Variants in GEMIN5 observed in about 807,000 individuals in gnomAD.
GEMIN5 encodes gem nuclear organelle associated protein 5.
Under a neutral mutation model 176.9 loss-of-function variants are expected in GEMIN5, and 124 were observed. The ratio of observed to expected loss-of-function variants is 0.70; its 90% confidence interval spans 0.61 to 0.81. GEMIN5 has a LOEUF of 0.81. Ranked by LOEUF, GEMIN5 falls within the 40% of genes least tolerant of loss-of-function variation. The pLI, the probability that GEMIN5 is intolerant of heterozygous loss-of-function variation, is 0.00. For missense variants in GEMIN5, 1,843 were observed against 1,814.6 expected, an observed-to-expected ratio of 1.02 and a Z score of -0.28; for synonymous variants, 673 against 665.2, an observed-to-expected ratio of 1.01 and a Z score of -0.18.
chr5:154,888,428 A>G, intron 27 of GEMIN5, 51 bp from the exon 28 acceptor site: 1 of 1,513,324 alleles, frequency 6.6e-7, no homozygotes, highest in Non-Finnish European at 9.1e-7. Context: ...CAGAAGAGCC[A>G]CAAACACCTG....
intron 13 of GEMIN5, among the ~76,000 whole-genome samples, chr5:154,913,809 C>G (rs1447103662): frequency 6.6e-6 from 1 of 151,626 alleles, no homozygotes; most frequent in Non-Finnish European, 1.5e-5. Context: ...AGAGTGAGAC[C>G]CTGTCTCAAA....
rs532523933 is a variant in GEMIN5, at chr5:154,936,986, T to C, written c.327+39A>G. On this transcript the variant is annotated intron_variant, in intron 2 of 27. Transcript: ENST00000285873. ...GCAACAGAAGAACCCTCAGCACAGA[T>C]AGATAAAAACGGTTTGAGAAACCAG... The C allele has an allele frequency of 2.6e-5, 40 of 1,556,254 alleles. No homozygotes were observed. The Admixed American group carries it at 3.1e-4, about 12-fold the overall frequency.
chr5:154,892,635 T>C (rs1763259242), intron 24 of GEMIN5, 86 bp from the exon 25 acceptor site: 5 of 1,312,230 alleles, frequency 3.8e-6, no homozygotes, highest in East Asian at 2.4e-5. Flanking sequence ...TGAACCGCAT[T>C]TGGAAACAAG....
rs936089739 is a variant in GEMIN5 at position 154,887,857 on chromosome 5, G to T, written c.*353C>A. 2.2e-5 allele frequency: 5 copies of T among 231,374 alleles called. No homozygotes were observed. The highest frequency in any genetic ancestry group is 4.2e-5 in the Non-Finnish European group (5 of 118,972). 14.3% of individuals were successfully genotyped at this position (231,374 alleles called of 1,614,324 possible). On this transcript the variant is annotated 3_prime_UTR_variant, in exon 28 of 28. Transcript: ENST00000285873. Reference sequence around the variant, plus strand: ...ATCAGATGAAGTATTTACAAAGGTAGCTTGTGTTTTAAGCATGTAACACTT... The same window carrying T: ...ATCAGATGAAGTATTTACAAAGGTATCTTGTGTTTTAAGCATGTAACACTT...
Position 154,920,000 on chromosome 5 carries a change from G to T in GEMIN5, c.1566C>A (p.Ile522=). ...PWKLSGEAFD[I]NKLIRDTNSI... ...AATTGGTGTCCCTGATGAGTTTGTT[G>T]ATGTCAAAGGCTTCTCCACTAAGCT... The change falls in exon 11 of 28, where the codon ATC becomes ATA. Residue 522 remains isoleucine, a synonymous_variant. Coordinates refer to ENST00000285873, the MANE Select transcript of GEMIN5 (RefSeq NM_015465.5). The T allele has an allele frequency of 6.2e-7, 1 of 1,613,598 alleles. No homozygotes were observed. Among genetic ancestry groups the T allele is most frequent in the Non-Finnish European group, 8.5e-7 (1 of 1,179,664 alleles).
chr5:154,928,527 C>G lies in GEMIN5; in HGVS notation c.914G>C (p.Gly305Ala). 2 of 1,613,740 alleles carry G rather than the reference C, an allele frequency of 1.2e-6. No individual in the cohort carries two copies. Among genetic ancestry groups the G allele is most frequent in the Non-Finnish European group, 1.7e-6 (2 of 1,179,846 alleles). ...QPTQLVSSCF[G>A]GELLQWDLTQ... is the part of the protein sequence containing the mutation. ...GAAAGCATGACCAAAAAAGACTTAC[C>G]CAAAACAGCTAGATACCAGCTGTGT... The change falls in exon 6 of 28, where the codon GGA becomes GCA. Residue 305 changes from glycine to alanine, a missense_variant and splice_region_variant. Coordinates refer to ENST00000285873, the MANE Select transcript of GEMIN5 (RefSeq NM_015465.5).
chr5:154,902,353 G>A (rs1763482285), intron 20 of GEMIN5, among the ~76,000 whole-genome samples, 186 bp downstream of exon 20: 2 of 152,238 alleles, frequency 1.3e-5, no homozygotes, highest in South Asian at 4.1e-4. Context: ...CAATTAAAGT[G>A]TCAGTGACCT....
chr5:154,925,162 T>C (rs1764004080), intron 8 of GEMIN5, among the ~76,000 whole-genome samples: 1 of 152,206 alleles, frequency 6.6e-6, no homozygotes, highest in Admixed American at 6.5e-5. Context: ...ATATGCATTA[T>C]ACACTGTCGA....
chr5:154,899,983 T>G (rs143392417), intron 21 of GEMIN5, among the ~76,000 whole-genome samples: 22 of 152,242 alleles, frequency 1.4e-4, no homozygotes, highest in Admixed American at 1.4e-3. Flanking sequence ...TGTTGGGTAT[T>G]TGGCAGATGT....
intron 7 of GEMIN5, among the ~76,000 whole-genome samples, 167 bp from the exon 8 acceptor site, chr5:154,926,241 T>C (rs1272356635): frequency 6.6e-6 from 1 of 152,110 alleles, no homozygotes; most frequent in Non-Finnish European, 1.5e-5. Flanking sequence ...AGTAATAAAT[T>C]ATGTTGCTTA....
rs563081849 is a variant in GEMIN5, at chr5:154,906,257, T to C, written c.2396-781A>G. Among the ~76,000 whole-genome samples, 50 of 151,992 alleles carry C rather than the reference T, an allele frequency of 3.3e-4. No homozygotes were observed. In the South Asian group the frequency reaches 8.9e-3, roughly 27 times the overall value. On this transcript the variant is annotated intron_variant, in intron 16 of 27. Transcript: ENST00000285873. Reference sequence around the variant, plus strand: ...GCAAGTCTCTTTCCTTGGCCTCCCATAGTGCTGGGATTACAGGCATGAACC... The same window carrying C: ...GCAAGTCTCTTTCCTTGGCCTCCCACAGTGCTGGGATTACAGGCATGAACC...
chr5:154,935,455 C>T (rs892048297), intron 3 of GEMIN5, among the ~76,000 whole-genome samples: 3 of 152,174 alleles, frequency 2.0e-5, no homozygotes, highest in Admixed American at 6.5e-5. Context: ...ATCCCAATGC[C>T]GCATCACTTT....
intron 5 of GEMIN5, among the ~76,000 whole-genome samples, chr5:154,929,987 A>T (rs1265397636): frequency 6.6e-6 from 1 of 152,212 alleles, no homozygotes; most frequent in African/African-American, 2.4e-5. Flanking sequence ...TTTCTCTTCA[A>T]AGAATCAATA....
Position 154,937,323 on chromosome 5 carries a change from T to G in GEMIN5, c.167-138A>C, listed in dbSNP as rs538825566. ...GGTATAACTGAAACACCGACGGACT[T>G]ACACTCAGAATTCCCAAGTGCTGAT... On this transcript the variant is annotated intron_variant, in intron 1 of 27. Transcript: ENST00000285873. 7 of 689,272 alleles carry G rather than the reference T, an allele frequency of 1.0e-5. No individual in the cohort carries two copies. The African/African-American group carries it at 1.1e-4, about 11-fold the overall frequency. The allele number at this position is 689,272 out of a possible 1,614,324, so 42.7% of individuals were successfully genotyped here.
Position 154,891,520 on chromosome 5 carries a change from G to C in GEMIN5, c.3983C>G (p.Pro1328Arg). Residue 1328 changes from proline to arginine, a missense_variant, in exon 26 of 28, where the codon CCT (proline) becomes CGT (arginine). By Grantham distance (103) the Pro-to-Arg change is moderately radical. Coordinates refer to ENST00000285873, the MANE Select transcript of GEMIN5 (RefSeq NM_015465.5). ...GTTTGGCTCTGGCTGAGAAGTTTCA[G>C]GGTCCGTTTCTTCAGTGCTGGCAGT... Reference protein sequence around the residue: ...LDTASTEETDPETSQPEPNRP... With the variant: ...LDTASTEETDRETSQPEPNRP... The C allele has an allele frequency of 6.2e-7, 1 of 1,614,146 alleles. No homozygotes were observed.
intron 5 of GEMIN5, 139 bp downstream of exon 5, chr5:154,931,319 T>C (rs1459881644): frequency 1.3e-6 from 1 of 758,182 alleles, no homozygotes; most frequent in Non-Finnish European, 2.1e-6. Context: ...CAGGCTCAAA[T>C]GAGGAAGCAG....
intron 17 of GEMIN5, among the ~76,000 whole-genome samples, chr5:154,904,967 C>T (rs374808861): frequency 1.3e-5 from 2 of 151,852 alleles, no homozygotes; most frequent in Admixed American, 1.3e-4. Context: ...CTGAGGCGGG[C>T]GGATCACTGG....
intron 21 of GEMIN5, among the ~76,000 whole-genome samples, chr5:154,900,138 A>G (rs79411329): frequency 0.077 from 11,668 of 152,262 alleles, 508 homozygotes; most frequent in Admixed American, 0.14. Flanking sequence ...TGAGTTTCCC[A>G]TAAGTTAGAA....
At position 154,902,062 on chromosome 5, in the gene GEMIN5, G is replaced by A. The variant is rs974644414; in HGVS notation, c.2866+477C>T. ...AGTGACCTGCCCACCTCGGCCTCCC[G>A]AAATGCTGGTATTACAGGCATGAAT... On this transcript the variant is annotated intron_variant, in intron 20 of 27. Transcript: ENST00000285873. Among the ~76,000 whole-genome samples the A allele has an allele frequency of 2.6e-5, 4 of 151,902 alleles. No homozygotes were observed. In the East Asian group the frequency reaches 5.8e-4, roughly 22 times the overall value.
Sources: gnomAD v4.1 joint callset for allele counts (sites outside exome capture counted in the v4.1 genomes callset) on GRCh38, gnomAD v4.1.1 for gene constraint, MANE v1.5 for transcripts, NCBI Gene and HGNC (gene_info 2026-07-23, HGNC 2026-07-21) for gene names.